The following NHS variants were observed in gnomAD, a reference collection of about 807,000 sequenced individuals.
The protein encoded by NHS is actin remodeling regulator NHS.
NHS carries 5 observed loss-of-function variants against 72.5 expected under a neutral mutation model. That is an observed-to-expected ratio of 0.07 (90% CI 0.04 to 0.14). NHS has a LOEUF of 0.14. NHS is among the 10% of genes least tolerant of loss of function. NHS has a pLI of 1.00. For synonymous variants in NHS, 464 were observed against 547.7 expected (o/e 0.85, Z 2.13); for missense variants, 1,072 against 1,355.7 (o/e 0.79, Z 3.29).
rs1569241233 is a variant in NHS at position 17,375,773 on chromosome X, C to A, written c.16C>A (p.Arg6=). 2.6e-6 allele frequency: 3 copies of A among 1,153,495 alleles called. No individual in the cohort carries two copies. Among genetic ancestry groups the A allele is most frequent in the Non-Finnish European group, 2.3e-6 (2 of 872,321 alleles). MPFAK[R]IVEPQWLCRQ... ...GCTGCGCGGGATGCCTTTCGCCAAGCGGATCGTGGAGCCGCAATGGCTGTG... is the reference window on the plus strand; with the variant it reads ...GCTGCGCGGGATGCCTTTCGCCAAGAGGATCGTGGAGCCGCAATGGCTGTG... The change falls in exon 1 of 9, where the codon CGG becomes AGG. Residue 6 remains arginine (R), a synonymous_variant. Coordinates refer to ENST00000676302, the MANE Select transcript of NHS (RefSeq NM_001291867.2).
intron 1 of NHS, among the ~76,000 whole-genome samples, chrX:17,570,787 CATG>C (rs2065473875): frequency 9.0e-6 from 1 of 111,718 alleles, no homozygotes; most frequent in African/African-American, 3.3e-5. Flanking sequence ...GCCCGTTCAG[CATG>C]ATATTGGCTG....
At chrX:17,589,228 G>T (rs1280959852) in intron 1 of NHS, among the ~76,000 whole-genome samples, 1 of 111,142 alleles carries the variant, frequency 9.0e-6, no homozygotes, top group African/African-American at 3.3e-5. Flanking sequence ...AAGTTCTTTA[G>T]TGGTGATTTG....
At chrX:17,570,789 T>C (rs1170347645) in intron 1 of NHS, among the ~76,000 whole-genome samples, 1 of 111,992 alleles carries the variant, frequency 8.9e-6, no homozygotes, top group Admixed American at 9.5e-5. Context: ...CCGTTCAGCA[T>C]GATATTGGCT....
chrX:17,689,185 A>G (rs2066181338), intron 2 of NHS, among the ~76,000 whole-genome samples: 2 of 111,771 alleles, frequency 1.8e-5, no homozygotes, highest in Non-Finnish European at 1.9e-5. Flanking sequence ...GCCTTCAATT[A>G]TCATCTTTTT....
intron 1 of NHS, chrX:17,557,109 TTGTGTGTGTGTGTGTGTGTG>T (rs56659086): frequency 2.3e-5 from 2 of 87,665 alleles, no homozygotes; most frequent in South Asian, 6.1e-4. Context: ...AAGGGGGATT[TTGTGTGTGTGTGTGTGTGTG>T]TGTGTGTGTG....
chrX:17,454,131 T>C (rs1367028492), intron 1 of NHS, among the ~76,000 whole-genome samples: 1 of 111,909 alleles, frequency 8.9e-6, no homozygotes, highest in African/African-American at 3.3e-5. Flanking sequence ...TAGAAGGAAG[T>C]AGAGCAGGCA....
chrX:17,693,667 A>G (rs1033755464), intron 3 of NHS, among the ~76,000 whole-genome samples: 2 of 112,567 alleles, frequency 1.8e-5, no homozygotes, highest in African/African-American at 6.5e-5. Flanking sequence ...AAATATAAAA[A>G]CATTTTTCCT....
chrX:17,458,673 A>G (rs928313774), intron 1 of NHS, among the ~76,000 whole-genome samples: 4 of 110,527 alleles, frequency 3.6e-5, no homozygotes, highest in African/African-American at 1.3e-4. Context: ...TTATATTTTT[A>G]TTAGAGTTGG....
intron 1 of NHS, among the ~76,000 whole-genome samples, chrX:17,491,153 C>T (rs1858484265): frequency 9.0e-6 from 1 of 111,651 alleles, no homozygotes; most frequent in Non-Finnish European, 1.9e-5. Flanking sequence ...CCAGAACTTC[C>T]AATACTGTGT....
intron 1 of NHS, among the ~76,000 whole-genome samples, chrX:17,513,985 G>C (rs2065104735): frequency 8.9e-6 from 1 of 112,042 alleles, no homozygotes; most frequent in Non-Finnish European, 1.9e-5. Context: ...AGAAGGCAAG[G>C]AGGAGCAAGT....
At chrX:17,557,814 A>AT (rs1388019363) in intron 1 of NHS, among the ~76,000 whole-genome samples, 1 of 111,957 alleles carries the variant, frequency 8.9e-6, no homozygotes, top group African/African-American at 3.3e-5. Flanking sequence ...TTGGATTCTC[A>AT]TGGGCCATTG....
chrX:17,695,208 A>G (rs778997735), intron 3 of NHS, among the ~76,000 whole-genome samples: 4 of 112,113 alleles, frequency 3.6e-5, no homozygotes, highest in African/African-American at 1.3e-4. Context: ...TTGATCCAGC[A>G]ATTTTACATC....
intron 1 of NHS, among the ~76,000 whole-genome samples, chrX:17,458,522 T>C (rs2064834192): frequency 9.1e-6 from 1 of 110,184 alleles, no homozygotes; most frequent in South Asian, 3.9e-4. Flanking sequence ...AGAGGGAGTC[T>C]CACTCTGTTG....
intron 1 of NHS, among the ~76,000 whole-genome samples, chrX:17,432,675 C>T (rs1403357532): frequency 9.0e-6 from 1 of 111,428 alleles, no homozygotes; most frequent in Non-Finnish European, 1.9e-5. Context: ...GCATGGAGGG[C>T]AATAAATATT....
At chrX:17,722,758 A>G (rs893195278) in intron 5 of NHS, among the ~76,000 whole-genome samples, 2 of 110,723 alleles carry the variant, frequency 1.8e-5, no homozygotes, top group Non-Finnish European at 3.8e-5. Context: ...GCCAAAATGG[A>G]TCATTTTGGC....
chrX:17,496,429 G>T (rs1383286939), intron 1 of NHS, among the ~76,000 whole-genome samples: 1 of 111,424 alleles, frequency 9.0e-6, no homozygotes, highest in Non-Finnish European at 1.9e-5. Context: ...GATAAAAAAG[G>T]AAGAGCTCAG....
At chrX:17,624,342 C>G (rs1028059129) in intron 1 of NHS, among the ~76,000 whole-genome samples, 3 of 112,170 alleles carry the variant, frequency 2.7e-5, no homozygotes, top group African/African-American at 9.7e-5. Context: ...AACATACATA[C>G]AGAAAAGCAT....
chrX:17,421,219 A>G (rs1266341858), intron 1 of NHS, among the ~76,000 whole-genome samples: 1 of 105,580 alleles, frequency 9.5e-6, no homozygotes, highest in East Asian at 3.1e-4. Context: ...CATCAAAAGC[A>G]GCTCTACGTG....
At chrX:17,509,585 C>T (rs2065076662) in intron 1 of NHS, among the ~76,000 whole-genome samples, 1 of 111,983 alleles carries the variant, frequency 8.9e-6, no homozygotes, top group Non-Finnish European at 1.9e-5. Flanking sequence ...ATATTTTTAC[C>T]TAGGGTTTTC....
Sources: gnomAD v4.1 joint callset for allele counts (sites outside exome capture counted in the v4.1 genomes callset) on GRCh38, gnomAD v4.1.1 for gene constraint, MANE v1.5 for transcripts, NCBI Gene and HGNC (gene_info 2026-07-23, HGNC 2026-07-21) for gene names.